Variants in OTUD7A observed in about 807,000 individuals in gnomAD.
The protein encoded by OTUD7A is OTU deubiquitinase 7A, also known as OTU domain-containing protein 7A.
A neutral mutation model predicts 65.7 loss-of-function variants in OTUD7A; 12 were observed. That is an observed-to-expected ratio of 0.18 (90% CI 0.12 to 0.30). OTUD7A has a LOEUF of 0.30. Among genes scored for constraint, OTUD7A ranks in the 10% least tolerant of loss-of-function variants. The pLI, the probability that OTUD7A is intolerant of heterozygous loss-of-function variation, is 1.00. For missense variants in OTUD7A, 1,148 were observed against 1,304.8 expected (o/e 0.88, Z 1.85); for synonymous variants, 641 against 586.3 (o/e 1.09, Z -1.35).
intron 1 of OTUD7A, among the ~76,000 whole-genome samples, chr15:31,853,529 C>T (rs970356142): frequency 6.6e-6 from 1 of 152,228 alleles, no homozygotes; most frequent in African/African-American, 2.4e-5. Context: ...GGCACATGGG[C>T]CCCGCCAGGA....
intron 3 of OTUD7A, among the ~76,000 whole-genome samples, chr15:31,599,271 T>C (rs1401688932): frequency 6.6e-6 from 1 of 152,206 alleles, no homozygotes; most frequent in Non-Finnish European, 1.5e-5. Flanking sequence ...GGCTGGCATC[T>C]GGTGGATGCC....
At chr15:31,663,052 G>A (rs1209244373) in intron 1 of OTUD7A, among the ~76,000 whole-genome samples, 1 of 129,026 alleles carries the variant, frequency 7.8e-6, no homozygotes, top group Admixed American at 8.5e-5. Flanking sequence ...TATAGTTTGT[G>A]TTAACTCTTT....
At chr15:31,631,494 C>T (rs557173992) in intron 3 of OTUD7A, among the ~76,000 whole-genome samples, 22 of 152,024 alleles carry the variant, frequency 1.4e-4, no homozygotes, top group Non-Finnish European at 2.1e-4. Context: ...GTGGGTTACC[C>T]GACCTTTCTC....
chr15:31,742,405 T>C (rs1169949737), intron 1 of OTUD7A, among the ~76,000 whole-genome samples: 1 of 152,114 alleles, frequency 6.6e-6, no homozygotes, highest in Non-Finnish European at 1.5e-5. Context: ...AAAAAAATTG[T>C]GTTACAACAC....
chr15:31,842,470 A>C (rs1897206615), intron 1 of OTUD7A, among the ~76,000 whole-genome samples: 1 of 152,236 alleles, frequency 6.6e-6, no homozygotes, highest in Admixed American at 6.5e-5. Context: ...CAGTTAAGCC[A>C]GCAAGAGATC....
intron 1 of OTUD7A, among the ~76,000 whole-genome samples, chr15:31,725,184 A>G (rs974997573): frequency 1.3e-5 from 2 of 152,166 alleles, no homozygotes; most frequent in African/African-American, 4.8e-5. Context: ...TCCAAAGAGG[A>G]GCTAAGGCCA....
intron 8 of OTUD7A, among the ~76,000 whole-genome samples, chr15:31,505,939 C>A (rs1018160590): frequency 1.8e-4 from 27 of 151,980 alleles, no homozygotes; most frequent in African/African-American, 6.5e-4. Context: ...TTAGTAGAGA[C>A]GTGTTAGCCA....
intron 1 of OTUD7A, among the ~76,000 whole-genome samples, chr15:31,803,281 C>T (rs756556738): frequency 6.6e-6 from 1 of 152,068 alleles, no homozygotes. Context: ...AACATCTTGC[C>T]GTATCAATCT....
chr15:31,663,283 A>ACAC (rs71113411), intron 1 of OTUD7A, among the ~76,000 whole-genome samples: 1 of 149,960 alleles, frequency 6.7e-6, no homozygotes, highest in African/African-American at 2.5e-5. Flanking sequence ...ACACACACAC[A>ACAC]AGTTTTTAAA....
Position 31,555,324 on chromosome 15 carries a change from A to AT in OTUD7A, c.550+3644dup, listed in dbSNP as rs558379315. Among the ~76,000 whole-genome samples the AT allele has an allele frequency of 3.5e-3, 528 of 150,904 alleles. 5 individuals carry two copies. Among genetic ancestry groups the AT allele is most frequent in the African/African-American group, 0.011 (458 of 41,138 alleles). On this transcript the variant is annotated intron_variant, in intron 5 of 12. Transcript: ENST00000307050. Reference sequence around the variant, plus strand: ...CTAGAACTGTCCCTTAAACAAATGGATTTTTTTTTTACTAAATAATTTTTT... The same window carrying AT: ...CTAGAACTGTCCCTTAAACAAATGGATTTTTTTTTTTACTAAATAATTTTTT...
intron 10 of OTUD7A, among the ~76,000 whole-genome samples, chr15:31,491,675 A>G (rs1447028135): frequency 6.6e-6 from 1 of 152,216 alleles, no homozygotes; most frequent in Non-Finnish European, 1.5e-5. Flanking sequence ...AAGAAGAAAA[A>G]GTAACACCAC....
At chr15:31,580,790 C>T (rs1889348509) in intron 3 of OTUD7A, among the ~76,000 whole-genome samples, 1 of 152,072 alleles carries the variant, frequency 6.6e-6, no homozygotes, top group Non-Finnish European at 1.5e-5. Context: ...TCTACCTGAC[C>T]CTGCCCTTGA....
chr15:31,655,431 T>C (rs1595688606), intron 2 of OTUD7A, 181 bp from the exon 3 acceptor site: 6 of 453,268 alleles, frequency 1.3e-5, no homozygotes, highest in East Asian at 1.2e-4. Flanking sequence ...CATTATATTA[T>C]AGAATGCTAA....
chr15:31,750,263 C>T (rs1425042508), intron 1 of OTUD7A, among the ~76,000 whole-genome samples: 1 of 151,862 alleles, frequency 6.6e-6, no homozygotes, highest in African/African-American at 2.4e-5. Flanking sequence ...CAAAAATTAG[C>T]TGGGTGTGGT....
At chr15:31,561,181 C>G (rs970814921) in intron 4 of OTUD7A, among the ~76,000 whole-genome samples, 3 of 152,190 alleles carry the variant, frequency 2.0e-5, no homozygotes, top group African/African-American at 7.2e-5. Flanking sequence ...AGTTAAACCA[C>G]ACAGGACATT....
intron 3 of OTUD7A, among the ~76,000 whole-genome samples, chr15:31,612,530 TCAACC>T (rs1890459172): frequency 6.6e-6 from 1 of 152,040 alleles, no homozygotes; most frequent in South Asian, 2.1e-4. Flanking sequence ...AATCAAGAAC[TCAACC>T]CCTTTTACAA....
intron 10 of OTUD7A, among the ~76,000 whole-genome samples, chr15:31,493,827 A>G (rs1413625886): frequency 6.7e-6 from 1 of 149,092 alleles, no homozygotes; most frequent in South Asian, 2.1e-4. Context: ...AATATAGCAC[A>G]TCAAAATTTG....
At chr15:31,773,063 T>C (rs1171704478) in intron 1 of OTUD7A, among the ~76,000 whole-genome samples, 1 of 152,212 alleles carries the variant, frequency 6.6e-6, no homozygotes, top group Non-Finnish European at 1.5e-5. Flanking sequence ...GATATAAACC[T>C]ATCTATGTAT....
At chr15:31,845,498 G>A (rs1171255309) in intron 1 of OTUD7A, among the ~76,000 whole-genome samples, 3 of 152,216 alleles carry the variant, frequency 2.0e-5, no homozygotes, top group African/African-American at 4.8e-5. Context: ...CTGGCCTCAC[G>A]CCGGCTCCAA....
Sources: allele counts gnomAD v4.1 joint callset (sites outside exome capture counted in the v4.1 genomes callset), GRCh38; gene constraint gnomAD v4.1.1; transcripts MANE v1.5; gene names NCBI Gene and HGNC (gene_info 2026-07-23, HGNC 2026-07-21).